Variants in ROBO2 observed in about 807,000 individuals in gnomAD.
ROBO2 encodes the protein roundabout guidance receptor 2.
A neutral mutation model predicts 160.8 loss-of-function variants in ROBO2; 53 were observed. That is an observed-to-expected ratio of 0.33 (90% confidence interval 0.26 to 0.41). The LOEUF (loss-of-function observed/expected upper bound fraction) is 0.41. Among genes scored for constraint, ROBO2 ranks in the 10% least tolerant of loss-of-function variants. The pLI, the probability that ROBO2 is intolerant of heterozygous loss-of-function variation, is 1.00. For synonymous variants in ROBO2, 664 were observed against 611.7 expected (o/e 1.09, Z -1.26); for missense variants, 1,577 against 1,722.4 (o/e 0.92, Z 1.49).
intron 2 of ROBO2, among the ~76,000 whole-genome samples, chr3:77,310,721 C>A (rs2063473434): frequency 6.6e-6 from 1 of 151,632 alleles, no homozygotes; most frequent in African/African-American, 2.4e-5. Context: ...TATCCAATAT[C>A]CTAATAGATG....
rs5850287 is a variant in ROBO2 at position 76,752,816 on chromosome 3, T to TAA, written c.110-345190_110-345189dup. The stretch of plus-strand genomic sequence containing the variant: ...TTAAGGGAATATAGTATGCAGCATT[T>TAA]AAAAAAAAACTTCTAAGGCTTTAGG... On this transcript the variant is annotated intron_variant, in intron 2 of 26. Transcript: ENST00000487694. Among the ~76,000 whole-genome samples, 17 of 150,968 alleles carry TAA rather than the reference T, an allele frequency of 1.1e-4. No homozygotes were observed. In the South Asian group the frequency reaches 2.3e-3, roughly 20 times the overall value.
chr3:76,049,487 G>A lies in ROBO2; in HGVS notation c.109+111885G>A, dbSNP rs1053116115. Reference sequence around the variant, plus strand: ...TCAAACTCCTGGACTCAAGTGATCCGTCTCCCTCAGTCTCCCAAAGTGCTG... The same window carrying A: ...TCAAACTCCTGGACTCAAGTGATCCATCTCCCTCAGTCTCCCAAAGTGCTG... On this transcript the variant is annotated intron_variant, in intron 2 of 26. Coordinates refer to the ROBO2 transcript ENST00000487694. Among the ~76,000 whole-genome samples, 116 of 139,962 alleles carry A rather than the reference G, an allele frequency of 8.3e-4. 2 individuals are homozygous for A. The highest frequency in any genetic ancestry group is 8.2e-3 in the Admixed American group (105 of 12,868). 91.8% of individuals were successfully genotyped at this position (139,962 alleles called of 152,430 possible). A position where few individuals can be genotyped will look rare whatever the true frequency, so the allele number is the denominator to read the frequency against.
chr3:77,509,261 C>G (rs1301636977), intron 5 of ROBO2, among the ~76,000 whole-genome samples: 1 of 151,986 alleles, frequency 6.6e-6, no homozygotes, highest in Non-Finnish European at 1.5e-5. Context: ...GTAGAAAGGC[C>G]TTTTGTATTT....
rs10598282 is a variant in ROBO2, at chr3:76,562,439, A to ATCTCTC, written c.110-535554_110-535549dup. On this transcript the variant is annotated intron_variant, in intron 2 of 26. Coordinates refer to the ROBO2 transcript ENST00000487694. Reference sequence around the variant, plus strand: ...CTGATACATGCATCTTATAAGATTGATCTCTCTCTCTCTCTCTCTCTCTCT... The same window carrying ATCTCTC: ...CTGATACATGCATCTTATAAGATTGATCTCTCTCTCTCTCTCTCTCTCTCTCTCTCT... Among the ~76,000 whole-genome samples the ATCTCTC allele has an allele frequency of 1.3e-3, 195 of 147,344 alleles. 1 individual carries two copies. Among genetic ancestry groups the ATCTCTC allele is most frequent in the Non-Finnish European group, 1.9e-3 (127 of 66,714 alleles).
chr3:76,757,798 C>T (rs1480667077), intron 2 of ROBO2, among the ~76,000 whole-genome samples: 1 of 151,578 alleles, frequency 6.6e-6, no homozygotes, highest in African/African-American at 2.4e-5. Flanking sequence ...AGAGTTCACT[C>T]AGAAGAGGTG....
chr3:77,070,198 A>G (rs564995466), intron 1 of ROBO2, among the ~76,000 whole-genome samples: 1 of 152,280 alleles, frequency 6.6e-6, no homozygotes, highest in South Asian at 2.1e-4. Flanking sequence ...CTCTGCCAAC[A>G]TCTTGGATTT....
At chr3:76,032,267 C>G (rs1300175436) in intron 2 of ROBO2, among the ~76,000 whole-genome samples, 1 of 151,936 alleles carries the variant, frequency 6.6e-6, no homozygotes, top group Non-Finnish European at 1.5e-5. Flanking sequence ...ATTGGTCTTG[C>G]TAGTGGTCTA....
intron 6 of ROBO2, among the ~76,000 whole-genome samples, chr3:77,539,750 G>T (rs1360184163): frequency 6.6e-6 from 1 of 152,040 alleles, no homozygotes; most frequent in Non-Finnish European, 1.5e-5. Flanking sequence ...TCTTCAAACT[G>T]AACTAAGGAA....
intron 2 of ROBO2, among the ~76,000 whole-genome samples, chr3:76,017,879 T>C (rs1292225340): frequency 6.6e-6 from 1 of 152,106 alleles, no homozygotes; most frequent in Non-Finnish European, 1.5e-5. Flanking sequence ...CACTCTTCCG[T>C]TTTTATAGAA....
intron 2 of ROBO2, among the ~76,000 whole-genome samples, chr3:76,373,849 G>A (rs976302173): frequency 4.0e-5 from 6 of 151,844 alleles, no homozygotes; most frequent in South Asian, 4.2e-4. Context: ...GGGCTCACTC[G>A]TGCTTCTGTG....
intron 24 of ROBO2, among the ~76,000 whole-genome samples, chr3:77,640,936 G>A (rs184399603): frequency 4.9e-4 from 75 of 152,216 alleles, no homozygotes; most frequent in Middle Eastern, 3.4e-3. Flanking sequence ...AGCAGATGCC[G>A]TTTTGGCCAT....
intron 2 of ROBO2, among the ~76,000 whole-genome samples, chr3:77,321,955 C>T (rs1307476471): frequency 2.6e-5 from 4 of 152,092 alleles, no homozygotes; most frequent in Admixed American, 2.0e-4. Context: ...ATTTTCCATG[C>T]ACATAGCACC....
intron 2 of ROBO2, among the ~76,000 whole-genome samples, chr3:75,966,450 C>A (rs1421904945): frequency 6.6e-6 from 1 of 151,578 alleles, no homozygotes; most frequent in Non-Finnish European, 1.5e-5. Flanking sequence ...TAATGCTGGC[C>A]TATTTTTCTG....
chr3:75,993,925 T>C (rs189113675), intron 2 of ROBO2, among the ~76,000 whole-genome samples: 1 of 152,226 alleles, frequency 6.6e-6, no homozygotes, highest in African/African-American at 2.4e-5. Context: ...GGAGCGTGTA[T>C]GCTGTTTTGT....
At chr3:76,128,142 C>G (rs1250670012) in intron 2 of ROBO2, among the ~76,000 whole-genome samples, 1 of 151,654 alleles carries the variant, frequency 6.6e-6, no homozygotes, top group Admixed American at 6.6e-5. Flanking sequence ...GATCCACCCA[C>G]CTCGGCCTCC....
chr3:77,461,288 G>A (rs1251378846), intron 2 of ROBO2, among the ~76,000 whole-genome samples: 2 of 151,786 alleles, frequency 1.3e-5, no homozygotes, highest in East Asian at 1.9e-4. Flanking sequence ...CAGTAATGAA[G>A]CTGTTACCTC....
chr3:76,115,401 C>T (rs2070423695), intron 2 of ROBO2, among the ~76,000 whole-genome samples: 1 of 152,102 alleles, frequency 6.6e-6, no homozygotes, highest in Non-Finnish European at 1.5e-5. Flanking sequence ...TCATCCTCAG[C>T]ACCATGGGAG....
At chr3:77,357,703 A>G (rs1327813365) in intron 2 of ROBO2, among the ~76,000 whole-genome samples, 1 of 152,184 alleles carries the variant, frequency 6.6e-6, no homozygotes, top group Non-Finnish European at 1.5e-5. Flanking sequence ...TGTAACTCCA[A>G]ACTTCCATGT....
intron 2 of ROBO2, among the ~76,000 whole-genome samples, chr3:77,449,267 C>G (rs1302744420): frequency 6.6e-6 from 1 of 151,948 alleles, no homozygotes; most frequent in Admixed American, 6.6e-5. Flanking sequence ...AGCAAATGGT[C>G]ATTCGGGTCA....
Sources: gnomAD v4.1 joint callset for allele counts (sites outside exome capture counted in the v4.1 genomes callset) on GRCh38, gnomAD v4.1.1 for gene constraint, MANE v1.5 for transcripts, NCBI Gene and HGNC (gene_info 2026-07-23, HGNC 2026-07-21) for gene names.